Variants in CSTF3 observed in about 807,000 individuals in gnomAD.
CSTF3 encodes CF-1 77 kDa subunit.
CSTF3 carries 29 observed loss-of-function variants against 105.8 expected under a neutral mutation model. The observed-to-expected ratio is 0.27, with a 90% confidence interval of 0.20 to 0.37. The LOEUF (loss-of-function observed/expected upper bound fraction) is 0.37. Ranked by LOEUF, CSTF3 falls within the 10% of genes least tolerant of loss-of-function variation. CSTF3 has a pLI of 1.00. For missense variants in CSTF3, 357 were observed against 879.3 expected, an observed-to-expected ratio of 0.41 and a Z score of 7.51; for synonymous variants, 252 against 281.9, an observed-to-expected ratio of 0.89 and a Z score of 1.06.
chr11:33,144,138 TTAGTGGAA>T (rs67045763), intron 1 of CSTF3, among the ~76,000 whole-genome samples: 51,037 of 118,158 alleles, frequency 0.43, 9,593 homozygotes, highest in Non-Finnish European at 0.57. Flanking sequence ...CCCCTTTTTT[TTAGTGGAA>T]TTAGTATTTC....
At chr11:33,098,491 G>T (rs891672477) in intron 13 of CSTF3, among the ~76,000 whole-genome samples, 199 bp downstream of exon 13, 3 of 152,030 alleles carry the variant, frequency 2.0e-5, no homozygotes, top group Admixed American at 2.0e-4. Context: ...TCTACAAAGG[G>T]GTCACATGGG....
intron 3 of CSTF3, among the ~76,000 whole-genome samples, chr11:33,140,642 C>T (rs1201489232): frequency 1.3e-5 from 2 of 151,998 alleles, no homozygotes; most frequent in Non-Finnish European, 2.9e-5. Flanking sequence ...CTGCTGATGA[C>T]CAAAGCCCTT....
In CSTF3 at chr11:33,103,153, A is replaced by G; in HGVS notation, c.617T>C (p.Ile206Thr). ...CATATAATCTCTACTCCGATCTTCA[A>G]TCATTTTTTTAGCTAAATGAATATT... ...GINIHLAKKMIEDRSRDYMNA... is the reference protein window; with the variant it reads ...GINIHLAKKMTEDRSRDYMNA... The change falls in exon 9 of 21, where the codon ATT becomes ACT. Residue 206 changes from isoleucine to threonine, a missense_variant. Transcript: ENST00000323959. The G allele has an allele frequency of 1.9e-6, 3 of 1,569,392 alleles. No individual in the cohort carries two copies. Among genetic ancestry groups the G allele is most frequent in the Non-Finnish European group, 2.6e-6 (3 of 1,160,620 alleles).
At chr11:33,089,908 C>T (rs1334806384) in intron 17 of CSTF3, among the ~76,000 whole-genome samples, 1 of 152,154 alleles carries the variant, frequency 6.6e-6, no homozygotes, top group African/African-American at 2.4e-5. Flanking sequence ...GTTACTGGGG[C>T]TTTGTAAATA....
At chr11:33,103,420 A>G (rs769818927) in intron 8 of CSTF3, among the ~76,000 whole-genome samples, 6 of 152,156 alleles carry the variant, frequency 3.9e-5, no homozygotes, top group Non-Finnish European at 7.3e-5. Flanking sequence ...GTTTCCATTT[A>G]TCAGGAACTT....
chr11:33,098,805 T>G (rs777524863), intron 12 of CSTF3, 41 bp from the exon 13 acceptor site: 1 of 1,381,320 alleles, frequency 7.2e-7, no homozygotes, highest in South Asian at 1.5e-5. Context: ...CATATGGTCA[T>G]AAATAAGCAG....
intron 16 of CSTF3, among the ~76,000 whole-genome samples, chr11:33,091,889 A>AT (rs113975445): frequency 2.0e-5 from 3 of 151,824 alleles, no homozygotes; most frequent in African/African-American, 4.8e-5. Context: ...AATTTTTAAC[A>AT]TTTTTTGTAT....
rs565035453 is a variant in CSTF3 at position 33,131,615 on chromosome 11, G to C, written c.225+10052C>G. Among the ~76,000 whole-genome samples the C allele has an allele frequency of 2.4e-3, 373 of 152,246 alleles. 1 individual carries two copies. Among genetic ancestry groups the C allele is most frequent in the Non-Finnish European group, 4.1e-3 (279 of 68,014 alleles). ...TAATCCCCGCACTTTGGGAGGCCGA[G>C]GCAGGCGGATCACGAGGTCAGGAGA... On this transcript the variant is annotated intron_variant, in intron 3 of 20. Coordinates refer to ENST00000323959, the MANE Select transcript of CSTF3 (RefSeq NM_001326.3).
chr11:33,103,004 T>G (rs1257855236), intron 9 of CSTF3, 103 bp downstream of exon 9: 1 of 739,982 alleles, frequency 1.4e-6, no homozygotes, highest in Non-Finnish European at 2.2e-6. Flanking sequence ...CTGTTAAGAT[T>G]GCTAATGACT....
At chr11:33,103,786 TG>T (rs1449779185) in intron 8 of CSTF3, among the ~76,000 whole-genome samples, 1 of 151,832 alleles carries the variant, frequency 6.6e-6, no homozygotes, top group South Asian at 2.1e-4. Context: ...AAAAAAAATA[TG>T]TACAGATTCA....
intron 1 of CSTF3, among the ~76,000 whole-genome samples, chr11:33,155,799 T>C (rs1286859602): frequency 6.6e-6 from 1 of 152,024 alleles, no homozygotes; most frequent in East Asian, 1.9e-4. Context: ...GTAGGTCCTA[T>C]CTAAAGAGAA....
chr11:33,154,134 A>G (rs1048026956), intron 1 of CSTF3, among the ~76,000 whole-genome samples: 1 of 152,208 alleles, frequency 6.6e-6, no homozygotes, highest in Non-Finnish European at 1.5e-5. Flanking sequence ...TTTTATTGAC[A>G]TAAAAACCAC....
At chr11:33,086,053 A>T (rs1227221270) in intron 18 of CSTF3, 64 bp from the exon 19 acceptor site, 15 of 1,000,170 alleles carry the variant, frequency 1.5e-5, no homozygotes, top group Non-Finnish European at 2.1e-5. Context: ...AGCTAAAATC[A>T]AGTGACTTGC....
intron 8 of CSTF3, among the ~76,000 whole-genome samples, chr11:33,104,909 A>G (rs906299781): frequency 6.6e-6 from 1 of 152,154 alleles, no homozygotes; most frequent in Non-Finnish European, 1.5e-5. Flanking sequence ...TATACATACG[A>G]AAAACTTTCT....
In CSTF3 at chr11:33,092,403, T is replaced by C. The variant is rs73482844; in HGVS notation, c.1376-63A>G. 1,083 of 1,066,436 alleles carry C rather than the reference T, an allele frequency of 1.0e-3. 5 individuals are homozygous for C. In the African/African-American group the frequency reaches 0.015, roughly 15 times the overall value. 66.1% of individuals were successfully genotyped at this position (1,066,436 alleles called of 1,614,324 possible). The stretch of plus-strand genomic sequence containing the variant: ...CTTTTACGATGCAACAATATTTTCA[T>C]ATGCATTATCTCACTTCATCCTTAC... On this transcript the variant is annotated intron_variant, in intron 15 of 20. Coordinates refer to ENST00000323959, the MANE Select transcript of CSTF3 (RefSeq NM_001326.3).
rs141270422 is a variant in CSTF3 at position 33,086,623 on chromosome 11, A to G, written c.1795+365T>C. On this transcript the variant is annotated intron_variant, in intron 18 of 20. Transcript: ENST00000323959. ...CAGAAAATTTTTGTATTTTTAATAA[A>G]GACAAAGTTTCACCATGTTAGTCAG... Among the ~76,000 whole-genome samples, 700 of 152,252 alleles carry G rather than the reference A, an allele frequency of 4.6e-3. 10 individuals are homozygous for G. The highest frequency in any genetic ancestry group is 3.9e-3 in the Non-Finnish European group (265 of 68,018).
intron 3 of CSTF3, among the ~76,000 whole-genome samples, chr11:33,112,300 A>G (rs1377409240): frequency 2.6e-5 from 4 of 152,166 alleles, no homozygotes. Context: ...TTAAATCTGC[A>G]GTGTGACAAA....
intron 3 of CSTF3, among the ~76,000 whole-genome samples, chr11:33,126,704 G>T: frequency 6.6e-6 from 1 of 151,830 alleles, no homozygotes; most frequent in African/African-American, 2.4e-5. Flanking sequence ...CTTTTTTTGA[G>T]ACCTTTGAAT....
At chr11:33,098,942 G>A (rs997345337) in intron 12 of CSTF3, 92 bp downstream of exon 12, 16 of 1,492,464 alleles carry the variant, frequency 1.1e-5, no homozygotes, top group African/African-American at 2.9e-5. Context: ...TCTACCAAAA[G>A]CAATATGCCT....
Sources: gnomAD v4.1 joint callset for allele counts (sites outside exome capture counted in the v4.1 genomes callset) on GRCh38, gnomAD v4.1.1 for gene constraint, MANE v1.5 for transcripts, NCBI Gene and HGNC (gene_info 2026-07-23, HGNC 2026-07-21) for gene names.